The following INPP5K variants were observed in gnomAD, a reference collection of about 807,000 sequenced individuals.
INPP5K encodes inositol polyphosphate-5-phosphatase K.
INPP5K carries 35 observed loss-of-function variants against 53.5 expected under a neutral mutation model. The ratio of observed to expected loss-of-function variants is 0.65; its 90% confidence interval spans 0.50 to 0.87. The LOEUF (loss-of-function observed/expected upper bound fraction) is 0.87, where lower values mean the gene tolerates loss of function less well. Ranked by LOEUF, INPP5K falls within the 40% of genes least tolerant of loss-of-function variation. The pLI, the probability that INPP5K is intolerant of heterozygous loss-of-function variation, is 0.00. For synonymous variants in INPP5K, 253 were observed against 232.8 expected (o/e 1.09, Z -0.79); for missense variants, 550 against 586.2 (o/e 0.94, Z 0.64).
chr17:1,511,279 C>T (rs1355482763), intron 3 of INPP5K, among the ~76,000 whole-genome samples: 2 of 151,888 alleles, frequency 1.3e-5, no homozygotes, highest in African/African-American at 4.9e-5. Flanking sequence ...ACCAGTAGGG[C>T]TACCTGTATT....
intron 6 of INPP5K, 131 bp from the exon 7 acceptor site, chr17:1,507,220 C>T: frequency 1.5e-6 from 1 of 653,042 alleles, no homozygotes; most frequent in Non-Finnish European, 2.7e-6. Context: ...TCCAATTCCT[C>T]ACTGCCCCAG....
intron 6 of INPP5K, 38 bp from the exon 7 acceptor site, chr17:1,507,127 T>C (rs1197531622): frequency 6.6e-7 from 1 of 1,525,296 alleles, no homozygotes; most frequent in Non-Finnish European, 9.1e-7. Context: ...CCCAGTAGTC[T>C]CGACCCAGTG....
rs955258038 is a variant in INPP5K at position 1,507,218 on chromosome 17, C to T, written c.667-129G>A. 14 of 645,994 alleles carry T rather than the reference C, an allele frequency of 2.2e-5. 1 individual carries two copies. In the South Asian group the frequency reaches 2.4e-4, roughly 11 times the overall value. 40.0% of individuals were successfully genotyped at this position (645,994 alleles called of 1,614,324 possible). On this transcript the variant is annotated intron_variant, in intron 6 of 11. Coordinates refer to ENST00000421807, the MANE Select transcript of INPP5K (RefSeq NM_016532.4). Reference sequence around the variant, plus strand: ...GAGTCAAGCAATGCCACTCCAATTCCTCACTGCCCCAGTGACTACTCAGCA... The same window carrying T: ...GAGTCAAGCAATGCCACTCCAATTCTTCACTGCCCCAGTGACTACTCAGCA...
At chr17:1,500,044 C>A (rs931634595) in intron 7 of INPP5K, among the ~76,000 whole-genome samples, 1 of 152,036 alleles carries the variant, frequency 6.6e-6, no homozygotes, top group Non-Finnish European at 1.5e-5. Context: ...AATGCCTGGG[C>A]TTCAAGCAAC....
intron 7 of INPP5K, among the ~76,000 whole-genome samples, chr17:1,506,593 G>A (rs873179): frequency 0.12 from 18,043 of 152,198 alleles, 1,182 homozygotes; most frequent in East Asian, 0.14. Context: ...TGGGGCAGGC[G>A]TCCTTAATAC....
chr17:1,515,750 A>C, intron 1 of INPP5K: 1 of 598,126 alleles, frequency 1.7e-6, no homozygotes. Context: ...TAGCATAAAC[A>C]ACACTATACA....
chr17:1,497,240 G>C (rs911597767), intron 8 of INPP5K, among the ~76,000 whole-genome samples: 3 of 152,214 alleles, frequency 2.0e-5, no homozygotes, highest in Non-Finnish European at 4.4e-5. Flanking sequence ...AATCCCAACA[G>C]TTTGGGAGGA....
chr17:1,515,755 T>A, intron 1 of INPP5K: 1 of 602,682 alleles, frequency 1.7e-6, no homozygotes, highest in Non-Finnish European at 2.1e-6. Context: ...TAAACAACAC[T>A]ATACAGAAAC....
chr17:1,508,007 T>C, intron 6 of INPP5K, 108 bp downstream of exon 6: 1 of 837,088 alleles, frequency 1.2e-6, no homozygotes, highest in Non-Finnish European at 2.0e-6. Context: ...CCACCAGACC[T>C]GGGCAAAAGA....
chr17:1,516,489 C>G lies in INPP5K; in HGVS notation c.11G>C (p.Arg4Pro), dbSNP rs753332586. The part of the protein sequence containing the change: MSS[R>P]KLSGPKGRRL... Reference sequence around the variant, plus strand: ...CCTGCCTTTCGGCCCGCTCAGCTTCCGCGAGCTCATGGCCGCCGTCGTCCC... The same window carrying G: ...CCTGCCTTTCGGCCCGCTCAGCTTCGGCGAGCTCATGGCCGCCGTCGTCCC... The change falls in exon 1 of 12, where the codon CGG becomes CCG. Residue 4 changes from arginine to proline, a missense_variant. Physicochemically the swap from Arg to Pro is moderately radical, Grantham distance 103. Transcript: ENST00000421807. 1 of 1,586,630 alleles carries G rather than the reference C, an allele frequency of 6.3e-7. No homozygotes were observed. Among genetic ancestry groups the G allele is most frequent in the Admixed American group, 1.7e-5 (1 of 59,008 alleles).
chr17:1,511,587 G>T (rs959876664), intron 3 of INPP5K, among the ~76,000 whole-genome samples: 9 of 152,264 alleles, frequency 5.9e-5, no homozygotes, highest in African/African-American at 2.2e-4. Flanking sequence ...GGTAAGGGAG[G>T]CATCAGAACT....
chr17:1,506,300 C>T (rs1253990938), intron 7 of INPP5K, among the ~76,000 whole-genome samples: 1 of 152,196 alleles, frequency 6.6e-6, no homozygotes, highest in Non-Finnish European at 1.5e-5. Context: ...GCTGGGATTA[C>T]AGGTGTGAGC....
At chr17:1,508,070 C>A in intron 6 of INPP5K, 45 bp downstream of exon 6, 1 of 1,342,678 alleles carries the variant, frequency 7.4e-7, no homozygotes, top group Non-Finnish European at 1.1e-6. Context: ...ATGGCCCCCA[C>A]CGTGGGCTCA....
chr17:1,505,848 TCA>T (rs1435228180), intron 7 of INPP5K, among the ~76,000 whole-genome samples: 1 of 152,136 alleles, frequency 6.6e-6, no homozygotes, highest in Non-Finnish European at 1.5e-5. Flanking sequence ...ACAAAGACCC[TCA>T]TGACATGTAA....
rs906220907 is a variant in INPP5K, at chr17:1,509,697, G to A, written c.364C>T (p.Leu122=). The A allele has an allele frequency of 3.5e-5, 57 of 1,606,466 alleles. No homozygotes were observed. Among genetic ancestry groups the A allele is most frequent in the Non-Finnish European group, 4.7e-5 (55 of 1,173,150 alleles). ...ILSTKSTPTG[L]FGYWGNKGGV... Reference sequence around the variant, plus strand: ...TCAGTCCTTACCCAGTACCCAAACAGGCCAGTGGGGGTGGATTTAGTAGAC... The same window carrying A: ...TCAGTCCTTACCCAGTACCCAAACAAGCCAGTGGGGGTGGATTTAGTAGAC... The change falls in exon 4 of 12, where the codon CTG becomes TTG. Residue 122 remains leucine, a synonymous_variant. Coordinates refer to ENST00000421807, the MANE Select transcript of INPP5K (RefSeq NM_016532.4).
At chr17:1,498,543 T>G (rs1326418805) in intron 7 of INPP5K, among the ~76,000 whole-genome samples, 2 of 152,144 alleles carry the variant, frequency 1.3e-5, no homozygotes, top group African/African-American at 4.8e-5. Flanking sequence ...AGGGAAGCAT[T>G]TAGGAAATGC....
intron 1 of INPP5K, 83 bp downstream of exon 1, chr17:1,516,373 G>C (rs2075438133): frequency 1.4e-6 from 2 of 1,407,012 alleles, no homozygotes; most frequent in African/African-American, 1.5e-5. Context: ...TGGAGGTCTG[G>C]TGCCTTGTCC....
At chr17:1,497,053 G>A (rs983149271) in intron 8 of INPP5K, among the ~76,000 whole-genome samples, 3 of 152,206 alleles carry the variant, frequency 2.0e-5, no homozygotes, top group Non-Finnish European at 4.4e-5. Flanking sequence ...TAGGAATGGC[G>A]GAGAGCAGAG....
intron 8 of INPP5K, among the ~76,000 whole-genome samples, chr17:1,497,194 T>A (rs1363800069): frequency 6.6e-6 from 1 of 152,184 alleles, no homozygotes; most frequent in Admixed American, 6.5e-5. Context: ...ACAACGCAGA[T>A]ACCAGCGGGG....
Sources: allele counts gnomAD v4.1 joint callset (sites outside exome capture counted in the v4.1 genomes callset), GRCh38; gene constraint gnomAD v4.1.1; transcripts MANE v1.5; gene names NCBI Gene and HGNC (gene_info 2026-07-23, HGNC 2026-07-21).